CDH12: variants seen among roughly 807,000 people sequenced by gnomAD.
CDH12 encodes cadherin-12.
Under a neutral mutation model 74.1 loss-of-function variants are expected in CDH12, and 41 were observed. That is an observed-to-expected ratio of 0.55 (90% confidence interval 0.43 to 0.72). The LOEUF is 0.72. Ranked by LOEUF, CDH12 falls within the 30% of genes least tolerant of loss-of-function variation. The pLI is 0.00. For synonymous variants in CDH12, 399 were observed against 355.0 expected (o/e 1.12, Z -1.39); for missense variants, 945 against 977.2 (o/e 0.97, Z 0.44).
chr5:22,576,792 GA>G (rs1457207183), intron 1 of CDH12, among the ~76,000 whole-genome samples: 2 of 152,092 alleles, frequency 1.3e-5, no homozygotes, highest in Non-Finnish European at 2.9e-5. Flanking sequence ...AGAGATACTG[GA>G]AGTGAGAATT....
chr5:22,041,103 T>C (rs1365966526), intron 5 of CDH12, among the ~76,000 whole-genome samples: 1 of 152,076 alleles, frequency 6.6e-6, no homozygotes, highest in African/African-American at 2.4e-5. Context: ...GAAGTTAAAA[T>C]GTTATCAGCA....
chr5:22,192,311 A>G (rs1429754014), intron 4 of CDH12, among the ~76,000 whole-genome samples: 2 of 152,198 alleles, frequency 1.3e-5, no homozygotes, highest in Admixed American at 1.3e-4. Context: ...CTGGGCCTGC[A>G]AGGAACTTAT....
intron 6 of CDH12, among the ~76,000 whole-genome samples, chr5:21,886,660 AT>A (rs1207376399): frequency 1.3e-4 from 19 of 150,172 alleles, no homozygotes; most frequent in African/African-American, 4.6e-4. Context: ...TTCCATTAAC[AT>A]GTCTTCAAAT....
At chr5:21,990,635 A>G (rs995480666) in intron 5 of CDH12, among the ~76,000 whole-genome samples, 4 of 152,096 alleles carry the variant, frequency 2.6e-5, no homozygotes, top group African/African-American at 9.7e-5. Flanking sequence ...ACTGGATTCA[A>G]TAAGATTGTA....
At chr5:22,283,251 T>TATATATATAC (rs1282673054) in intron 3 of CDH12, among the ~76,000 whole-genome samples, 1 of 102,060 alleles carries the variant, frequency 9.8e-6, no homozygotes, top group African/African-American at 4.1e-5. Context: ...TATATATATA[T>TATATATATAC]ACACACACAC....
At chr5:22,517,718 G>A (rs1472155145) in intron 1 of CDH12, among the ~76,000 whole-genome samples, 3 of 152,140 alleles carry the variant, frequency 2.0e-5, no homozygotes, top group East Asian at 1.9e-4. Flanking sequence ...TTCAGCTTAC[G>A]TTTATTTATT....
intron 2 of CDH12, among the ~76,000 whole-genome samples, chr5:22,474,401 C>T (rs927430265): frequency 2.0e-5 from 3 of 152,082 alleles, no homozygotes; most frequent in Non-Finnish European, 4.4e-5. Context: ...TGATTCTCAT[C>T]GGAGTGGCAT....
intron 6 of CDH12, among the ~76,000 whole-genome samples, chr5:21,918,673 C>T (rs1754217686): frequency 6.6e-6 from 1 of 152,024 alleles, no homozygotes; most frequent in Non-Finnish European, 1.5e-5. Flanking sequence ...GTAAACTTCC[C>T]CCATGATTCA....
intron 2 of CDH12, among the ~76,000 whole-genome samples, chr5:22,413,283 T>C (rs1456244448): frequency 2.6e-5 from 4 of 151,892 alleles, no homozygotes; most frequent in Non-Finnish European, 5.9e-5. Flanking sequence ...AGGGGAAAAG[T>C]AGTAAGCTCA....
intron 5 of CDH12, among the ~76,000 whole-genome samples, chr5:22,022,318 G>T (rs577782274): frequency 1.3e-5 from 2 of 152,102 alleles, no homozygotes; most frequent in East Asian, 3.9e-4. Flanking sequence ...ATGAGATCTG[G>T]TTGTTTAAAA....
chr5:22,572,518 A>AT (rs553010668), intron 1 of CDH12, among the ~76,000 whole-genome samples: 392 of 149,782 alleles, frequency 2.6e-3, no homozygotes, highest in Middle Eastern at 0.011. Context: ...CCCAGGATTA[A>AT]TTTTTTTTTT....
intron 6 of CDH12, among the ~76,000 whole-genome samples, chr5:21,973,287 A>G (rs546461331): frequency 3.3e-5 from 5 of 152,280 alleles, no homozygotes; most frequent in East Asian, 1.9e-4. Flanking sequence ...TGAAGGCCCA[A>G]TGGGAAATTT....
intron 1 of CDH12, among the ~76,000 whole-genome samples, chr5:22,721,400 T>G (rs540536): frequency 0.78 from 119,222 of 152,178 alleles, 47,262 homozygotes; most frequent in East Asian, 0.85. Flanking sequence ...CCCTTTGTTT[T>G]GGCCAATTTC....
intron 3 of CDH12, among the ~76,000 whole-genome samples, chr5:22,222,935 A>G (rs1316184087): frequency 6.6e-6 from 1 of 152,060 alleles, no homozygotes; most frequent in Non-Finnish European, 1.5e-5. Flanking sequence ...AAGAATTATT[A>G]CAGTGCAAAC....
At chr5:22,140,042 A>G (rs1746697323) in intron 4 of CDH12, among the ~76,000 whole-genome samples, 2 of 152,118 alleles carry the variant, frequency 1.3e-5, no homozygotes, top group South Asian at 4.1e-4. Context: ...TGCCAAACAA[A>G]TCCCCGGAAC....
chr5:22,163,442 C>T (rs1252524930), intron 4 of CDH12, among the ~76,000 whole-genome samples: 1 of 152,148 alleles, frequency 6.6e-6, no homozygotes, highest in African/African-American at 2.4e-5. Context: ...CAAAACTGCA[C>T]CTTCAATCCA....
chr5:22,061,503 A>T (rs1267144806), intron 5 of CDH12, among the ~76,000 whole-genome samples: 1 of 152,176 alleles, frequency 6.6e-6, no homozygotes, highest in Non-Finnish European at 1.5e-5. Context: ...GAAGATGAGA[A>T]TATTAAATTT....
chr5:21,983,064 C>T (rs1757378949), intron 5 of CDH12, among the ~76,000 whole-genome samples: 1 of 151,956 alleles, frequency 6.6e-6, no homozygotes, highest in Non-Finnish European at 1.5e-5. Context: ...TTATTAATCT[C>T]CTGGTTTGGA....
At chr5:22,535,049 G>T (rs1164557212) in intron 1 of CDH12, among the ~76,000 whole-genome samples, 2 of 145,776 alleles carry the variant, frequency 1.4e-5, no homozygotes, top group Non-Finnish European at 3.0e-5. Context: ...TCCGCTCACT[G>T]CAAGCTTCGC....
Sources: allele counts gnomAD v4.1 joint callset (sites outside exome capture counted in the v4.1 genomes callset), GRCh38; gene constraint gnomAD v4.1.1; transcripts MANE v1.5; gene names NCBI Gene and HGNC (gene_info 2026-07-23, HGNC 2026-07-21).